The following MCM3 variants were observed in gnomAD, a reference collection of about 807,000 sequenced individuals.
MCM3 encodes the protein minichromosome maintenance complex component 3, also known as DNA replication licensing factor MCM3.
In MCM3, 59 loss-of-function variants were observed where a neutral mutation model predicts 91.3. That is an observed-to-expected ratio of 0.65 (90% confidence interval 0.52 to 0.80). The LOEUF (loss-of-function observed/expected upper bound fraction) is 0.80. Ranked by LOEUF, MCM3 falls within the 30% of genes least tolerant of loss-of-function variation. The pLI, the probability that MCM3 is intolerant of heterozygous loss-of-function variation, is 0.00. For missense variants in MCM3, 919 were observed against 1,035.4 expected (o/e 0.89, Z 1.54); for synonymous variants, 383 against 379.6 (o/e 1.01, Z -0.10).
chr6:52,281,682 A>T (rs973988806), intron 4 of MCM3, among the ~76,000 whole-genome samples: 4 of 152,076 alleles, frequency 2.6e-5, no homozygotes, highest in Non-Finnish European at 1.5e-5. Flanking sequence ...TCTCTAAAAA[A>T]AAAAATAAGA....
At chr6:52,269,004 G>GACAA (rs1764869820) in intron 13 of MCM3, 82 bp downstream of exon 13, 2 of 1,436,606 alleles carry the variant, frequency 1.4e-6, no homozygotes, top group African/African-American at 2.8e-5. Context: ...AAATGTAGCC[G>GACAA]TCAGCCACGG....
intron 16 of MCM3, chr6:52,265,423 AAAAT>A (rs557002579): frequency 1.4e-5 from 3 of 216,862 alleles, no homozygotes; most frequent in Non-Finnish European, 2.9e-5. Context: ...AAAAAAGTAA[AAAAT>A]AAACACTGCA....
chr6:52,272,253 AG>A (rs1256139959), intron 12 of MCM3, 47 bp downstream of exon 12: 15 of 1,560,666 alleles, frequency 9.6e-6, no homozygotes, highest in Non-Finnish European at 1.1e-5. Flanking sequence ...ACTCCTGCCC[AG>A]CCATATACCT....
At chr6:52,267,376 G>T (rs978107354) in intron 14 of MCM3, among the ~76,000 whole-genome samples, 1 of 151,906 alleles carries the variant, frequency 6.6e-6, no homozygotes, top group Non-Finnish European at 1.5e-5. Flanking sequence ...GATTACAGGC[G>T]TGAGCCACCG....
At chr6:52,265,646 G>T (rs1006513215) in intron 16 of MCM3, among the ~76,000 whole-genome samples, 1 of 152,036 alleles carries the variant, frequency 6.6e-6, no homozygotes, top group African/African-American at 2.4e-5. Context: ...TGGCTATGGA[G>T]TTTCTTGGTG....
At chr6:52,265,260 A>C (rs1466169650) in intron 16 of MCM3, 1 of 433,504 alleles carries the variant, frequency 2.3e-6, no homozygotes, top group Non-Finnish European at 4.6e-6. Flanking sequence ...GTCATTAAAA[A>C]GAATGAGATC....
intron 9 of MCM3, among the ~76,000 whole-genome samples, chr6:52,274,978 G>A (rs1765439397): frequency 6.6e-6 from 1 of 151,696 alleles, no homozygotes; most frequent in South Asian, 2.1e-4. Context: ...TGCCTAGGTT[G>A]GTCTCAAACT....
Position 52,276,340 on chromosome 6 carries a change from G to A in MCM3, c.1302C>T (p.Ala434=). 6.2e-7 allele frequency: 1 copy of A among 1,613,770 alleles called. No homozygotes were observed. Among genetic ancestry groups the A allele is most frequent in the Non-Finnish European group, 8.5e-7 (1 of 1,180,004 alleles). The part of the protein sequence containing the change: ...EVMEQGRVTI[A]KAGIHARLNA... ...TCAGCCGAGCATGGATGCCAGCCTT[G>A]GCAATGGTCACTCGACCCTGCTCCA... Residue 434 remains alanine (A), a synonymous_variant, in exon 9 of 17, where the codon GCC becomes GCT. Coordinates refer to ENST00000596288, the MANE Select transcript of MCM3 (RefSeq NM_002388.6).
At position 52,270,374 on chromosome 6, in the gene MCM3, C is replaced by A. The variant is rs111675442; in HGVS notation, c.1828-1148G>T. On this transcript the variant is annotated intron_variant, in intron 12 of 16. Coordinates refer to ENST00000596288, the MANE Select transcript of MCM3 (RefSeq NM_002388.6). ...AAAAAAAGAAACTACTTCCTTCTGT[C>A]ACACCTCCCGGGTCTCCCATTATAT... is the stretch of plus-strand genomic sequence containing the variant. 4.8e-3 allele frequency among the ~76,000 whole-genome samples: 728 copies of A among 151,288 alleles called. 4 individuals are homozygous for A. Among genetic ancestry groups the A allele is most frequent in the African/African-American group, 0.017 (693 of 41,282 alleles).
intron 9 of MCM3, 41 bp from the exon 10 acceptor site, chr6:52,273,957 T>C (rs748637126): frequency 9.2e-6 from 14 of 1,519,914 alleles, no homozygotes; most frequent in Admixed American, 3.7e-5. Context: ...ATGACATCAA[T>C]AGGAAGAAAG....
intron 12 of MCM3, among the ~76,000 whole-genome samples, chr6:52,269,820 T>C (rs922420570): frequency 6.7e-6 from 1 of 149,962 alleles, no homozygotes; most frequent in African/African-American, 2.5e-5. Flanking sequence ...TAAAATGCTA[T>C]TGTCTGAATG....
chr6:52,269,984 G>A (rs758787252), intron 12 of MCM3, among the ~76,000 whole-genome samples: 20 of 152,090 alleles, frequency 1.3e-4, no homozygotes, highest in Non-Finnish European at 2.4e-4. Flanking sequence ...CAGGTGAAAG[G>A]ATTTGTCCAC....
In MCM3 at chr6:52,278,782, T is replaced by A. The variant is rs2307329; in HGVS notation, c.839A>T (p.Asp280Val). ...ACTGAACTTCTTGATCTTGGCTATA[T>A]CCTCAGCAGAGAAAGAGGGCTGAGC... Reference protein sequence around the residue: ...KDAQPSFSAEDIAKIKKFSKT... With the variant: ...KDAQPSFSAEVIAKIKKFSKT... The change falls in exon 6 of 17, where the codon GAT (aspartate) becomes GTT (valine). Residue 280 changes from aspartate (D) to valine (V), a missense_variant. Physicochemically the swap from Asp to Val is radical, Grantham distance 152. Coordinates refer to ENST00000596288, the MANE Select transcript of MCM3 (RefSeq NM_002388.6). 45 of 1,614,042 alleles carry A rather than the reference T, an allele frequency of 2.8e-5. No individual in the cohort carries two copies. The African/African-American group carries it at 5.9e-4, about 21-fold the overall frequency.
chr6:52,265,959 GT>G (rs1764612303), intron 16 of MCM3, 115 bp downstream of exon 16: 1 of 769,838 alleles, frequency 1.3e-6, no homozygotes, highest in East Asian at 2.6e-5. Flanking sequence ...CAGGCCTCTA[GT>G]TTTGAGTTCT....
Position 52,279,459 on chromosome 6 carries a change from G to A in MCM3, c.672C>T (p.Asp224=). The change falls in exon 5 of 17, where the codon GAC becomes GAT. Residue 224 remains aspartate (D), a synonymous_variant. Coordinates refer to ENST00000596288, the MANE Select transcript of MCM3 (RefSeq NM_002388.6). The part of the protein sequence containing the change: ...PRSVDVILDD[D]LVDKAKPGDR... ...CACCAGGCTTCGCTTTATCCACCAA[G>A]TCATCATCCAGAATGACGTCCACAG... The A allele has an allele frequency of 1.2e-6, 2 of 1,614,172 alleles. No individual in the cohort carries two copies. The highest frequency in any genetic ancestry group is 1.7e-5 in the Admixed American group (1 of 60,030).
intron 11 of MCM3, 59 bp downstream of exon 11, chr6:52,273,171 A>G: frequency 6.2e-7 from 1 of 1,606,272 alleles, no homozygotes; most frequent in East Asian, 2.2e-5. Flanking sequence ...AGATATACAC[A>G]TGCTCTAATA....
intron 1 of MCM3, among the ~76,000 whole-genome samples, chr6:52,283,807 T>A (rs1231981467): frequency 1.3e-5 from 2 of 152,254 alleles, no homozygotes; most frequent in East Asian, 3.8e-4. Flanking sequence ...TAGATGGATA[T>A]GTTGTTTCAC....
intron 5 of MCM3, 108 bp downstream of exon 5, chr6:52,279,253 T>G (rs1336345892): frequency 1.1e-6 from 1 of 910,354 alleles, no homozygotes; most frequent in African/African-American, 1.7e-5. Context: ...GGTAGAGTGC[T>G]CCACCTATCA....
In MCM3 at chr6:52,277,101, A is replaced by C. The variant is rs1173538816; in HGVS notation, c.1131T>G (p.Gly377=). The C allele has an allele frequency of 3.7e-6, 6 of 1,613,914 alleles. No individual in the cohort carries two copies. The highest frequency in any genetic ancestry group is 5.1e-6 in the Non-Finnish European group (6 of 1,179,990). Residue 377 remains glycine (G), a synonymous_variant, in exon 8 of 17, where the codon GGT becomes GGG. Coordinates refer to ENST00000596288, the MANE Select transcript of MCM3 (RefSeq NM_002388.6). Reference sequence around the variant, plus strand: ...GGTCTGTGGTGACAGCAGCCGTCAGACCCACTCCAGAGGAGCCCCGGCCAG... The same window carrying C: ...GGTCTGTGGTGACAGCAGCCGTCAGCCCCACTCCAGAGGAGCCCCGGCCAG... ...PTTGRGSSGV[G]LTAAVTTDQE...
Sources: gnomAD v4.1 joint callset for allele counts (sites outside exome capture counted in the v4.1 genomes callset) on GRCh38, gnomAD v4.1.1 for gene constraint, MANE v1.5 for transcripts, NCBI Gene and HGNC (gene_info 2026-07-23, HGNC 2026-07-21) for gene names.